Variants in PRKCE observed in about 807,000 individuals in gnomAD.
PRKCE encodes protein kinase C epsilon type.
Under a neutral mutation model 85.4 loss-of-function variants are expected in PRKCE, and 16 were observed. That is an observed-to-expected ratio of 0.19 (90% CI 0.13 to 0.28). The LOEUF (loss-of-function observed/expected upper bound fraction) is 0.28. Ranked by LOEUF, PRKCE falls within the 10% of genes least tolerant of loss-of-function variation. PRKCE has a pLI of 1.00. For missense variants in PRKCE, 573 were observed against 975.2 expected (o/e 0.59, Z 5.49); for synonymous variants, 388 against 371.5 (o/e 1.04, Z -0.51).
rs577583085 is a variant in PRKCE at position 45,788,210 on chromosome 2, C to A, written c.349-54790C>A. Among the ~76,000 whole-genome samples the A allele has an allele frequency of 5.9e-5, 9 of 152,140 alleles. 1 individual carries two copies. Among genetic ancestry groups the A allele is most frequent in the Admixed American group, 4.6e-4 (7 of 15,274 alleles). ...ACTGCAATTTCCAAATAGCTAAAGG[C>A]GTATTCCTTAAACTACACTTACCTT... On this transcript the variant is annotated intron_variant, in intron 1 of 14. Transcript: ENST00000306156.
At chr2:45,689,519 TTTTATATA>T (rs1364983367) in intron 1 of PRKCE, among the ~76,000 whole-genome samples, 1 of 150,680 alleles carries the variant, frequency 6.6e-6, no homozygotes, top group Non-Finnish European at 1.5e-5. Flanking sequence ...TTTTTATATA[TTTTATATA>T]TTTATATATT....
intron 1 of PRKCE, among the ~76,000 whole-genome samples, chr2:45,830,239 G>T (rs1690305346): frequency 6.6e-6 from 1 of 151,802 alleles, no homozygotes; most frequent in Non-Finnish European, 1.5e-5. Flanking sequence ...CTAACCCTAT[G>T]GCACATGGGG....
intron 10 of PRKCE, among the ~76,000 whole-genome samples, chr2:46,047,524 C>G (rs6712036): frequency 0.41 from 61,961 of 151,992 alleles, 12,957 homozygotes; most frequent in Middle Eastern, 0.48. Flanking sequence ...GAGGCCTTTA[C>G]TTGGCACATC....
At position 46,159,134 on chromosome 2, in the gene PRKCE, C is replaced by A. The variant is rs577658573; in HGVS notation, c.1921-472C>A. 1.3e-5 allele frequency among the ~76,000 whole-genome samples: 2 copies of A among 152,190 alleles called. No homozygotes were observed. Among genetic ancestry groups the A allele is most frequent in the South Asian group, 4.1e-4 (2 of 4,822 alleles). On this transcript the variant is annotated intron_variant, in intron 13 of 14. Transcript: ENST00000306156. The surrounding 1 kb of genome is among the most constrained non-coding windows in gnomAD (Gnocchi z 4.1). The stretch of plus-strand genomic sequence containing the variant: ...TAGTACATTTGATCATTTACCTGGT[C>A]CTTATTCCTTATCTCAAAAAGGACC...
Position 46,010,803 on chromosome 2 carries a change from CCAA to C in PRKCE, c.1437+290_1437+292del, listed in dbSNP as rs1028962764. On this transcript the variant is annotated intron_variant, in intron 10 of 14. Coordinates refer to ENST00000306156, the MANE Select transcript of PRKCE (RefSeq NM_005400.3). ...ACTCACTGTTTGCTCATTGGAAAAA[CCAA>C]CAAGTGTGGTTAGTCCTTGCTCTGC... The C allele has an allele frequency of 6.3e-6, 10 of 1,585,732 alleles. No individual in the cohort carries two copies. In the African/African-American group the frequency reaches 6.7e-5, roughly 11 times the overall value.
chr2:46,003,754 A>T (rs1287527087), intron 7 of PRKCE, among the ~76,000 whole-genome samples: 1 of 152,250 alleles, frequency 6.6e-6, no homozygotes, highest in African/African-American at 2.4e-5. Flanking sequence ...TTGCTTAGAA[A>T]GGTCAATTGT....
At chr2:46,125,936 A>T (rs756564424) in intron 11 of PRKCE, among the ~76,000 whole-genome samples, 1 of 152,206 alleles carries the variant, frequency 6.6e-6, no homozygotes, top group African/African-American at 2.4e-5. Flanking sequence ...ATTAAAAGTG[A>T]TTTAAGACAA....
chr2:45,872,249 G>A (rs550609441), intron 2 of PRKCE, among the ~76,000 whole-genome samples: 59 of 152,292 alleles, frequency 3.9e-4, no homozygotes, highest in Middle Eastern at 3.4e-3. Context: ...ATGCAGGAAT[G>A]AAAGAACATC....
At chr2:45,752,972 G>A (rs1238046309) in intron 1 of PRKCE, among the ~76,000 whole-genome samples, 1 of 152,168 alleles carries the variant, frequency 6.6e-6, no homozygotes, top group Non-Finnish European at 1.5e-5. Context: ...GAGGGTCCTT[G>A]GGGTTTATGG....
intron 1 of PRKCE, among the ~76,000 whole-genome samples, chr2:45,677,352 GTTTTT>G (rs1209642358): frequency 2.1e-5 from 3 of 140,836 alleles, no homozygotes; most frequent in African/African-American, 7.8e-5. Context: ...TGTTGTTGTT[GTTTTT>G]TTTTTTTTTT....
At chr2:45,790,927 C>T (rs144498804) in intron 1 of PRKCE, among the ~76,000 whole-genome samples, 4 of 152,240 alleles carry the variant, frequency 2.6e-5, no homozygotes, top group East Asian at 1.9e-4. Context: ...ACCTGAGGCC[C>T]GTACCTGATT....
chr2:46,053,002 A>T (rs1281608559), intron 10 of PRKCE, among the ~76,000 whole-genome samples: 1 of 152,268 alleles, frequency 6.6e-6, no homozygotes, highest in Non-Finnish European at 1.5e-5. Flanking sequence ...TAAACGTAAG[A>T]GCCGGTCACC....
chr2:46,012,375 T>C (rs916520340), intron 10 of PRKCE, among the ~76,000 whole-genome samples: 1 of 152,084 alleles, frequency 6.6e-6, no homozygotes, highest in Admixed American at 6.5e-5. Context: ...AAAACTATTT[T>C]GCTCATAGGC....
intron 1 of PRKCE, among the ~76,000 whole-genome samples, chr2:45,801,312 G>A (rs1687849073): frequency 6.6e-6 from 1 of 152,106 alleles, no homozygotes; most frequent in Non-Finnish European, 1.5e-5. Context: ...ATTAGAGGTT[G>A]GATTTAAAAA....
rs116458774 is a variant in PRKCE, at chr2:45,786,985, C to T, written c.349-56015C>T. Among the ~76,000 whole-genome samples the T allele has an allele frequency of 4.4e-3, 668 of 152,286 alleles. 5 individuals carry two copies. The highest frequency in any genetic ancestry group is 0.015 in the African/African-American group (632 of 41,546). On this transcript the variant is annotated intron_variant, in intron 1 of 14. Coordinates refer to ENST00000306156, the MANE Select transcript of PRKCE (RefSeq NM_005400.3). This position sits in a 1 kb window ranked among gnomAD's most constrained non-coding sequence, Gnocchi z 5.3. ...AGTCACTTGAGGCTTTGGTTCAAGTCGGGATTTCCCATCGGTTTCCCCTGG... is the reference window on the plus strand; with the variant it reads ...AGTCACTTGAGGCTTTGGTTCAAGTTGGGATTTCCCATCGGTTTCCCCTGG...
At chr2:46,135,584 T>G (rs565768295) in intron 11 of PRKCE, among the ~76,000 whole-genome samples, 151 of 152,244 alleles carry the variant, frequency 9.9e-4, no homozygotes, top group African/African-American at 3.5e-3. Context: ...GAAAAGTAGT[T>G]AATTGTGTTG....
intron 11 of PRKCE, among the ~76,000 whole-genome samples, chr2:46,089,724 G>C (rs1321917173): frequency 6.7e-6 from 1 of 148,762 alleles, no homozygotes; most frequent in Admixed American, 6.6e-5. Context: ...CTCAGCAAGA[G>C]ATGCTTTTCT....
At position 45,989,273 on chromosome 2, in the gene PRKCE, T is replaced by A. The variant is rs181924220; in HGVS notation, c.823+4593T>A. 9.2e-5 allele frequency among the ~76,000 whole-genome samples: 14 copies of A among 152,342 alleles called. No individual in the cohort carries two copies. In the East Asian group the frequency reaches 1.7e-3, roughly 19 times the overall value. On this transcript the variant is annotated intron_variant, in intron 6 of 14. Coordinates refer to ENST00000306156, the MANE Select transcript of PRKCE (RefSeq NM_005400.3). ...TGGCCTGGAGATTCCTAAAGAATCT[T>A]CTTCCTCGCTCCTGCCTCTCTCTGA...
chr2:45,762,382 G>A (rs1684578375), intron 1 of PRKCE, among the ~76,000 whole-genome samples: 1 of 152,194 alleles, frequency 6.6e-6, no homozygotes, highest in South Asian at 2.1e-4. Context: ...TCCCTGATCA[G>A]TCTTCTCTTT....
Sources: gnomAD v4.1 joint callset for allele counts (sites outside exome capture counted in the v4.1 genomes callset) on GRCh38, gnomAD v4.1.1 for gene constraint, Gnocchi (gnomAD v3.1) non-coding constraint, MANE v1.5 for transcripts, NCBI Gene and HGNC (gene_info 2026-07-23, HGNC 2026-07-21) for gene names.